Variants in PAPSS1 observed in about 807,000 individuals in gnomAD.
PAPSS1 encodes the protein 3'-phosphoadenosine 5'-phosphosulfate synthase 1.
PAPSS1 carries 50 observed loss-of-function variants against 72.0 expected under a neutral mutation model. The ratio of observed to expected loss-of-function variants is 0.69; its 90% CI spans 0.55 to 0.88. The LOEUF (loss-of-function observed/expected upper bound fraction) is 0.88. PAPSS1 is among the 40% of genes least tolerant of loss of function. The pLI is 0.00. For missense variants in PAPSS1, 657 were observed against 782.2 expected (o/e 0.84, Z 1.91); for synonymous variants, 261 against 263.6 (o/e 0.99, Z 0.09).
chr4:107,617,644 A>G (rs954726909), intron 11 of PAPSS1, among the ~76,000 whole-genome samples: 2 of 152,196 alleles, frequency 1.3e-5, no homozygotes, highest in Non-Finnish European at 2.9e-5. Context: ...GAAGATAGAC[A>G]TACACATTCA....
In PAPSS1 at chr4:107,698,852, A is replaced by AT. The variant is rs536934733; in HGVS notation, c.175+2318dup. Reference sequence around the variant, plus strand: ...ATTCTGAAATACACCAGAGCACCAGATTTTTTTTTTAACAAGGACTGAACT... The same window carrying AT: ...ATTCTGAAATACACCAGAGCACCAGATTTTTTTTTTTAACAAGGACTGAACT... On this transcript the variant is annotated intron_variant, in intron 2 of 11. Transcript: ENST00000265174. Among the ~76,000 whole-genome samples the AT allele has an allele frequency of 3.7e-3, 553 of 150,268 alleles. 3 individuals are homozygous for AT. The highest frequency in any genetic ancestry group is 5.5e-3 in the Non-Finnish European group (373 of 67,388).
intron 10 of PAPSS1, among the ~76,000 whole-genome samples, chr4:107,636,647 T>G (rs1726392798): frequency 6.6e-6 from 1 of 152,148 alleles, no homozygotes; most frequent in South Asian, 2.1e-4. Flanking sequence ...CCTGATTCAC[T>G]GTGTGGTACA....
chr4:107,624,441 A>G (rs911944838), intron 11 of PAPSS1, among the ~76,000 whole-genome samples: 2 of 152,220 alleles, frequency 1.3e-5, no homozygotes, highest in African/African-American at 4.8e-5. Context: ...TTCCAACTAT[A>G]GTACCTACAA....
chr4:107,679,783 ACTC>A (rs1727751842), intron 5 of PAPSS1, among the ~76,000 whole-genome samples: 2 of 151,548 alleles, frequency 1.3e-5, no homozygotes, highest in African/African-American at 2.4e-5. Context: ...AGATTCAAGC[ACTC>A]CTCAAGATAG....
intron 1 of PAPSS1, among the ~76,000 whole-genome samples, chr4:107,704,569 ACTC>A (rs1383988763): frequency 6.6e-6 from 1 of 151,958 alleles, no homozygotes; most frequent in African/African-American, 2.4e-5. Context: ...AGGTTAATGA[ACTC>A]TTTCAAATAA....
intron 10 of PAPSS1, among the ~76,000 whole-genome samples, chr4:107,635,460 C>T (rs186125494): frequency 3.9e-4 from 59 of 152,162 alleles, no homozygotes; most frequent in Middle Eastern, 3.4e-3. Context: ...TTGTCATCAA[C>T]AAAGCCAAGA....
intron 8 of PAPSS1, 82 bp downstream of exon 8, chr4:107,654,613 G>C: frequency 9.1e-6 from 10 of 1,094,292 alleles, no homozygotes; most frequent in Non-Finnish European, 1.4e-5. Context: ...CCAATGAAAA[G>C]TCAATACACA....
intron 10 of PAPSS1, among the ~76,000 whole-genome samples, chr4:107,634,957 C>T (rs1726324566): frequency 6.6e-6 from 1 of 151,432 alleles, no homozygotes; most frequent in Non-Finnish European, 1.5e-5. Flanking sequence ...GCTACCACGC[C>T]CAGCTAATTT....
chr4:107,628,176 AG>A (rs988659804), intron 11 of PAPSS1, among the ~76,000 whole-genome samples: 2 of 152,202 alleles, frequency 1.3e-5, no homozygotes, highest in African/African-American at 4.8e-5. Context: ...TTTTAGCTAC[AG>A]TTCATCGCTC....
intron 11 of PAPSS1, among the ~76,000 whole-genome samples, chr4:107,615,320 C>T (rs1452607939): frequency 1.3e-5 from 2 of 152,172 alleles, no homozygotes; most frequent in Non-Finnish European, 2.9e-5. Context: ...TAGGACTCAG[C>T]AAGCATTCAG....
Position 107,613,902 on chromosome 4 carries a change from G to T in PAPSS1, c.*347C>A. 1 of 156,634 alleles carries T rather than the reference G, an allele frequency of 6.4e-6. No homozygotes were observed. The allele number at this position is 156,634 out of a possible 1,614,324, so 9.7% of individuals were successfully genotyped here. ...TTTGGTAATTTTTTTCTTTTTTTAA[G>T]GGGAAAAAAAGCAAGATTTAATGTG... is the stretch of plus-strand genomic sequence containing the variant. On this transcript the variant is annotated 3_prime_UTR_variant, in exon 12 of 12. Transcript: ENST00000265174.
chr4:107,668,422 T>C (rs548119365), intron 5 of PAPSS1, among the ~76,000 whole-genome samples: 2 of 152,316 alleles, frequency 1.3e-5, no homozygotes, highest in East Asian at 3.9e-4. Flanking sequence ...TCAACTTGAT[T>C]GGATGGAAAG....
At chr4:107,639,715 G>C (rs960092536) in intron 10 of PAPSS1, among the ~76,000 whole-genome samples, 4 of 152,184 alleles carry the variant, frequency 2.6e-5, no homozygotes, top group African/African-American at 9.7e-5. Context: ...TGTATAATTA[G>C]ACTCAGATCT....
intron 11 of PAPSS1, among the ~76,000 whole-genome samples, chr4:107,621,143 G>C (rs1197998754): frequency 2.6e-5 from 4 of 152,168 alleles, no homozygotes; most frequent in African/African-American, 9.7e-5. Context: ...CTAAGGACAT[G>C]AGTGTGCTGT....
chr4:107,683,799 C>T (rs892987786), intron 4 of PAPSS1, among the ~76,000 whole-genome samples: 9 of 152,040 alleles, frequency 5.9e-5, no homozygotes, highest in Non-Finnish European at 1.3e-4. Flanking sequence ...CCTGAATATA[C>T]ACAATCTTGT....
At chr4:107,669,465 C>T (rs1031402565) in intron 5 of PAPSS1, among the ~76,000 whole-genome samples, 1 of 152,150 alleles carries the variant, frequency 6.6e-6, no homozygotes, top group African/African-American at 2.4e-5. Context: ...CTAGTCTATA[C>T]ACTATAAACA....
intron 11 of PAPSS1, among the ~76,000 whole-genome samples, chr4:107,620,442 CA>C (rs1725926216): frequency 6.6e-6 from 1 of 152,116 alleles, no homozygotes. Context: ...AACCAAAGAC[CA>C]ATTGAAAGAC....
intron 11 of PAPSS1, among the ~76,000 whole-genome samples, chr4:107,616,130 T>G (rs901719361): frequency 9.9e-5 from 15 of 152,048 alleles, no homozygotes; most frequent in African/African-American, 3.6e-4. Context: ...ATATGCCCTA[T>G]GTAGTCATTG....
chr4:107,623,056 T>C (rs923218691), intron 11 of PAPSS1, among the ~76,000 whole-genome samples: 7 of 152,216 alleles, frequency 4.6e-5, no homozygotes, highest in African/African-American at 9.6e-5. Context: ...AGTCTGCCCA[T>C]TGCAACCCAC....
Sources: allele counts gnomAD v4.1 joint callset (sites outside exome capture counted in the v4.1 genomes callset), GRCh38; gene constraint gnomAD v4.1.1; transcripts MANE v1.5; gene names NCBI Gene and HGNC (gene_info 2026-07-23, HGNC 2026-07-21).